The following MYO1H variants were observed in gnomAD, a reference collection of about 807,000 sequenced individuals.
The protein encoded by MYO1H is myosin IH.
MYO1H carries 118 observed loss-of-function variants against 149.3 expected under a neutral mutation model. The ratio of observed to expected loss-of-function variants is 0.79; its 90% CI spans 0.68 to 0.92. MYO1H has a LOEUF of 0.92. MYO1H is among the 40% of genes least tolerant of loss of function. The probability of loss-of-function intolerance (pLI) is 0.00; values close to 1 mark genes in which losing one functional copy is unlikely to be tolerated. For missense variants in MYO1H, 1,212 were observed against 1,280.7 expected (o/e 0.95, Z 0.82); for synonymous variants, 447 against 465.2 (o/e 0.96, Z 0.50).
At chr12:109,412,179 A>T (rs950990837) in intron 14 of MYO1H, among the ~76,000 whole-genome samples, 194 bp downstream of exon 14, 6 of 152,036 alleles carry the variant, frequency 3.9e-5, no homozygotes, top group Non-Finnish European at 1.5e-5. Context: ...TTTTTTTGAG[A>T]CATGGTCTCA....
At position 109,427,451 on chromosome 12, in the gene MYO1H, T is replaced by C; in HGVS notation, c.1832-18T>C. On this transcript the variant is annotated intron_variant, in intron 18 of 31. Transcript: ENST00000310903. ...CATGGGATCCTTTCCTGTCATTCTC[T>C]GTTCTATTTCTCCAAAGGCAAATTT... The C allele has an allele frequency of 1.3e-6, 2 of 1,513,416 alleles. No homozygotes were observed. The highest frequency in any genetic ancestry group is 9.2e-7 in the Non-Finnish European group (1 of 1,088,730). 93.7% of individuals were successfully genotyped at this position (1,513,416 alleles called of 1,614,324 possible).
chr12:109,342,705 G>A, the MYO1H span, among the ~76,000 whole-genome samples: 1 of 151,380 alleles, frequency 6.6e-6, no homozygotes, highest in Non-Finnish European at 1.5e-5. Flanking sequence ...ACCATGTCTG[G>A]CTAATTTTTA....
chr12:109,412,871 C>T (rs367695274), intron 14 of MYO1H, among the ~76,000 whole-genome samples: 27 of 152,188 alleles, frequency 1.8e-4, no homozygotes, highest in South Asian at 1.2e-3. Flanking sequence ...CTACAACCTC[C>T]GCCTCCTGGG....
exon 10 of MYO1H, chr12:109,407,867 C>T: frequency 2.5e-6 from 4 of 1,613,936 alleles, no homozygotes; most frequent in Non-Finnish European, 3.4e-6. Context: ...TATGGACGAA[C>T]GTTTACTTGG....
the MYO1H span, among the ~76,000 whole-genome samples, chr12:109,312,238 A>T: frequency 6.6e-6 from 1 of 151,634 alleles, no homozygotes; most frequent in Non-Finnish European, 1.5e-5. Context: ...TTTGAGATGG[A>T]GTCTCGCTCT....
chr12:109,434,225 G>A (rs547522920), intron 20 of MYO1H, among the ~76,000 whole-genome samples: 70 of 152,262 alleles, frequency 4.6e-4, no homozygotes, highest in African/African-American at 1.3e-3. Flanking sequence ...TGTCAGGCTG[G>A]TCTCAAACTC....
intron 1 of MYO1H, 41 bp from the exon 2 acceptor site, chr12:109,388,642 C>A: frequency 6.7e-7 from 1 of 1,492,912 alleles, no homozygotes; most frequent in Admixed American, 2.1e-5. Flanking sequence ...ATAGATATTA[C>A]CAAATAGATG....
chr12:109,327,111 CTTTTCTTTTTCT>C, the MYO1H span, among the ~76,000 whole-genome samples: 1,212 of 129,144 alleles, frequency 9.4e-3, 14 homozygotes, highest in Middle Eastern at 0.017. Context: ...TTTAATTTTT[CTTTTCTTTTTCT>C]TTTTCTTTTT....
chr12:109,445,828 C>T (rs1377510446), intron 31 of MYO1H: 2 of 985,178 alleles, frequency 2.0e-6, no homozygotes, highest in Admixed American at 6.2e-5. Context: ...AAAGCTTAAC[C>T]ATCCTTGTCA....
chr12:109,377,845 C>G (rs1435629526), intron 1 of MYO1H, among the ~76,000 whole-genome samples: 1 of 152,130 alleles, frequency 6.6e-6, no homozygotes, highest in East Asian at 1.9e-4. Context: ...CTCCTAGTAA[C>G]TCTCACCACC....
Position 109,439,836 on chromosome 12 carries a change from C to T in MYO1H, c.2454+46C>T, listed in dbSNP as rs371007807. On this transcript the variant is annotated intron_variant, in intron 24 of 31. Transcript: ENST00000310903. ...TCCAGTGTTGTAAGTAGCACGGGCA[C>T]TGACGAAGCTTAACTCTTGCATGTC... The T allele has an allele frequency of 1.4e-5, 22 of 1,550,524 alleles. No individual in the cohort carries two copies. The South Asian group carries it at 1.7e-4, about 12-fold the overall frequency.
exon 32 of MYO1H, chr12:109,447,541 T>C: frequency 2.9e-6 from 1 of 348,752 alleles, no homozygotes; most frequent in Non-Finnish European, 5.4e-6. Context: ...TGAAATACTG[T>C]GTACAGCAAG....
At chr12:109,410,577 G>A in intron 12 of MYO1H, 111 bp from the exon 13 acceptor site, 1 of 712,578 alleles carries the variant, frequency 1.4e-6, no homozygotes, top group Non-Finnish European at 2.4e-6. Context: ...GTTTAAGGTT[G>A]AATATAAAAA....
the MYO1H span, among the ~76,000 whole-genome samples, chr12:109,331,903 C>G: frequency 6.6e-6 from 1 of 152,202 alleles, no homozygotes; most frequent in Non-Finnish European, 1.5e-5. Context: ...CTTGAAATCT[C>G]TTTTTGTCTC....
chr12:109,424,133 T>C (rs572969626), intron 16 of MYO1H, among the ~76,000 whole-genome samples: 16 of 152,226 alleles, frequency 1.1e-4, no homozygotes, highest in Non-Finnish European at 1.6e-4. Flanking sequence ...TCTTGCTTTT[T>C]TCACTTAACA....
At chr12:109,401,252 C>T in exon 6 of MYO1H, 1 of 1,612,678 alleles carries the variant, frequency 6.2e-7, no homozygotes, top group Non-Finnish European at 8.5e-7. Flanking sequence ...AGACCCCCAG[C>T]TGTATAAATA....
At chr12:109,346,465 T>C (rs1206976123), upstream of MYO1H, among the ~76,000 whole-genome samples, 1 of 152,176 alleles carries the variant, frequency 6.6e-6, no homozygotes, top group Non-Finnish European at 1.5e-5. Context: ...CAAAAATGTA[T>C]GAAGAATCAT....
At chr12:109,356,860 G>T (rs567917478) in intron 1 of MYO1H, among the ~76,000 whole-genome samples, 7 of 152,196 alleles carry the variant, frequency 4.6e-5, no homozygotes, top group Non-Finnish European at 1.0e-4. Context: ...CATTTCAACT[G>T]TAGAGCTGTC....
intron 13 of MYO1H, 42 bp from the exon 14 acceptor site, chr12:109,411,852 A>T (rs1017578567): frequency 1.4e-6 from 2 of 1,392,516 alleles, no homozygotes; most frequent in Non-Finnish European, 2.0e-6. Flanking sequence ...GCATTGATGG[A>T]GTGTGGTGCT....
Sources: gnomAD v4.1 joint callset for allele counts (sites outside exome capture counted in the v4.1 genomes callset) on GRCh38, gnomAD v4.1.1 for gene constraint, MANE v1.5 for transcripts, NCBI Gene and HGNC (gene_info 2026-07-23, HGNC 2026-07-21) for gene names.